The following NCKAP5 variants were observed in gnomAD, a reference collection of about 807,000 sequenced individuals.
NCKAP5 encodes NCK associated protein 5, also known as nck-associated protein 5.
A neutral mutation model predicts 167.0 loss-of-function variants in NCKAP5; 92 were observed. The ratio of observed to expected loss-of-function variants is 0.55; its 90% confidence interval spans 0.47 to 0.66. The LOEUF is 0.66. NCKAP5 is among the 30% of genes least tolerant of loss of function. NCKAP5 has a pLI of 0.00. For missense variants in NCKAP5, 2,378 were observed against 2,315.0 expected (o/e 1.03, Z -0.56); for synonymous variants, 891 against 877.4 (o/e 1.02, Z -0.27).
chr2:133,611,553 G>C, the NCKAP5 span, among the ~76,000 whole-genome samples: 1 of 152,186 alleles, frequency 6.6e-6, no homozygotes, highest in Non-Finnish European at 1.5e-5. Flanking sequence ...AAGGTGTCCA[G>C]TGGGGTTTTT....
At chr2:133,628,863 C>T in the NCKAP5 span, among the ~76,000 whole-genome samples, 1 of 152,004 alleles carries the variant, frequency 6.6e-6, no homozygotes, top group Admixed American at 6.6e-5. Flanking sequence ...CTTCAACAAA[C>T]CTGACAAAAA....
At chr2:132,680,459 C>T (rs73957611) in intron 19 of NCKAP5, among the ~76,000 whole-genome samples, 14,807 of 152,120 alleles carry the variant, frequency 0.097, 2,369 homozygotes, top group African/African-American at 0.33. Context: ...AATGACCTCT[C>T]CTTGAACCCC....
At chr2:133,339,384 G>T (rs2150758530) in intron 3 of NCKAP5, among the ~76,000 whole-genome samples, 1 of 152,238 alleles carries the variant, frequency 6.6e-6, no homozygotes, top group South Asian at 2.1e-4. Context: ...CATGGCCCCA[G>T]GCTATTTGTA....
chr2:133,200,695 A>G (rs537629118), intron 5 of NCKAP5, among the ~76,000 whole-genome samples: 3 of 152,330 alleles, frequency 2.0e-5, no homozygotes, highest in African/African-American at 7.2e-5. Flanking sequence ...ATAGGAGAAC[A>G]TATTTGCCAA....
Position 133,213,759 on chromosome 2 carries a change from C to A in NCKAP5, c.164G>T (p.Arg55Leu), listed in dbSNP as rs372830741. 6.2e-7 allele frequency: 1 copy of A among 1,613,718 alleles called. No homozygotes were observed. The highest frequency in any genetic ancestry group is 8.5e-7 in the Non-Finnish European group (1 of 1,179,778). Residue 55 changes from arginine (R) to leucine (L), a missense_variant, in exon 5 of 20, where the codon CGA becomes CTA. Physicochemically the swap from Arg to Leu is moderately radical, Grantham distance 102 (BLOSUM62 -2). Transcript: ENST00000409261. ...SLWREKLAVARLQREVAQRTS... is the reference protein window; with the variant it reads ...SLWREKLAVALLQREVAQRTS... ...TCTTTGGGCAACTTCTCGCTGTAGT[C>A]GGGCCACTGCCAACTTCTCCCTGAA...
At chr2:133,162,730 T>A (rs796390148) in intron 5 of NCKAP5, among the ~76,000 whole-genome samples, 6 of 152,282 alleles carry the variant, frequency 3.9e-5, no homozygotes, top group African/African-American at 1.4e-4. Context: ...AGTCTTTACA[T>A]CTCCACAATA....
chr2:133,659,987 A>G, the NCKAP5 span, among the ~76,000 whole-genome samples: 4,367 of 152,302 alleles, frequency 0.029, 85 homozygotes, highest in South Asian at 0.047. Flanking sequence ...TGATTGAGGC[A>G]GAAAGTATTG....
chr2:133,420,145 T>C (rs984765477), intron 3 of NCKAP5, among the ~76,000 whole-genome samples: 5 of 152,234 alleles, frequency 3.3e-5, no homozygotes, highest in African/African-American at 9.6e-5. Context: ...GATAGACACA[T>C]TTGTCCACCC....
the NCKAP5 span, among the ~76,000 whole-genome samples, chr2:133,652,779 A>T: frequency 6.6e-6 from 1 of 152,164 alleles, no homozygotes; most frequent in Non-Finnish European, 1.5e-5. Context: ...AACCTCAGCC[A>T]ATTATTATTT....
At chr2:133,225,808 G>A (rs2086860758) in intron 4 of NCKAP5, among the ~76,000 whole-genome samples, 1 of 57,200 alleles carries the variant, frequency 1.7e-5, no homozygotes, top group Non-Finnish European at 4.2e-5. Flanking sequence ...TTTTTTTTCG[G>A]AGTCTCCCTC....
At chr2:133,416,513 T>A (rs1226257658) in intron 3 of NCKAP5, among the ~76,000 whole-genome samples, 2 of 152,180 alleles carry the variant, frequency 1.3e-5, no homozygotes, top group Non-Finnish European at 2.9e-5. Context: ...GTAAAAAGGA[T>A]CACAGCAAAT....
At chr2:133,637,476 C>CAAAAAAAAAAAAAAAAAAAAAAAAA in the NCKAP5 span, among the ~76,000 whole-genome samples, 1 of 31,670 alleles carries the variant, frequency 3.2e-5, no homozygotes. Flanking sequence ...TGGTATTTTC[C>CAAAAAAAAAAAAAAAAAAAAAAAAA]AAAAAAAAAA....
intron 8 of NCKAP5, among the ~76,000 whole-genome samples, chr2:132,890,125 A>G (rs1295399234): frequency 6.6e-6 from 1 of 152,190 alleles, no homozygotes; most frequent in Non-Finnish European, 1.5e-5. Flanking sequence ...CAGAAAAGGT[A>G]TTTCTCTAAA....
intron 6 of NCKAP5, among the ~76,000 whole-genome samples, chr2:133,125,465 G>A (rs1010067966): frequency 2.0e-5 from 3 of 152,126 alleles, no homozygotes; most frequent in African/African-American, 4.8e-5. Context: ...ATTCAAACAA[G>A]CGGTTAGAGG....
chr2:132,876,265 AT>A (rs1439066091), intron 9 of NCKAP5, among the ~76,000 whole-genome samples: 2 of 151,552 alleles, frequency 1.3e-5, no homozygotes, highest in Non-Finnish European at 2.9e-5. Flanking sequence ...TTATGATTTT[AT>A]TTTTTTTATT....
chr2:132,930,577 C>A (rs1378091535), intron 8 of NCKAP5: 1 of 152,204 alleles, frequency 6.6e-6, no homozygotes, highest in African/African-American at 2.4e-5. Context: ...GACTCTGGAA[C>A]TTTTACCAGT....
At chr2:133,420,385 T>C (rs1689397549) in intron 3 of NCKAP5, among the ~76,000 whole-genome samples, 1 of 152,214 alleles carries the variant, frequency 6.6e-6, no homozygotes, top group African/African-American at 2.4e-5. Flanking sequence ...AATCCATTTA[T>C]ACGAAATGTC....
chr2:133,245,463 A>G (rs1331755905), intron 4 of NCKAP5, among the ~76,000 whole-genome samples: 1 of 152,190 alleles, frequency 6.6e-6, no homozygotes, highest in East Asian at 1.9e-4. Flanking sequence ...AATTTATGGT[A>G]ACAGAAATCA....
chr2:132,948,628 A>G (rs2076069544), intron 8 of NCKAP5, among the ~76,000 whole-genome samples: 1 of 152,166 alleles, frequency 6.6e-6, no homozygotes, highest in African/African-American at 2.4e-5. Context: ...AGGCTGTATG[A>G]AAGAAATAGC....
Sources: gnomAD v4.1 joint callset for allele counts (sites outside exome capture counted in the v4.1 genomes callset) on GRCh38, gnomAD v4.1.1 for gene constraint, MANE v1.5 for transcripts, NCBI Gene and HGNC (gene_info 2026-07-23, HGNC 2026-07-21) for gene names.